Variants in MTSS2 observed in about 807,000 individuals in gnomAD.
The protein encoded by MTSS2 is protein MTSS 2.
In MTSS2, 27 loss-of-function variants were observed where a neutral mutation model predicts 67.1. That is an observed-to-expected ratio of 0.40 (90% CI 0.30 to 0.55). MTSS2 has a LOEUF of 0.55. Among genes scored for constraint, MTSS2 ranks in the 20% least tolerant of loss-of-function variants. MTSS2 has a pLI of 0.43. For missense variants in MTSS2, 1,171 were observed against 1,067.8 expected (o/e 1.10, Z -1.35); for synonymous variants, 624 against 468.6 (o/e 1.33, Z -4.28).
chr16:70,681,914 C>G (rs1394068322), intron 1 of MTSS2, among the ~76,000 whole-genome samples: 1 of 152,208 alleles, frequency 6.6e-6, no homozygotes, highest in Admixed American at 6.5e-5. Flanking sequence ...TGACGGGCAG[C>G]CCTGGGCCAG....
rs1159894469 is a variant in MTSS2, at chr16:70,679,667, C to A, written c.420G>T (p.Ser140=). The change falls in exon 6 of 15, where the codon TCG becomes TCT. Residue 140 remains serine (S), a synonymous_variant. Transcript: ENST00000338779. ...KRARHEIKKK[S]SDTLKLQKKA... Reference sequence around the variant, plus strand: ...TCTTCTGCAGCTTCAGCGTGTCCGACGACTTCTTTTTGATCTCATGCCGGG... The same window carrying A: ...TCTTCTGCAGCTTCAGCGTGTCCGAAGACTTCTTTTTGATCTCATGCCGGG... 3 of 1,610,632 alleles carry A rather than the reference C, an allele frequency of 1.9e-6. No individual in the cohort carries two copies. The highest frequency in any genetic ancestry group is 2.7e-5 in the African/African-American group (2 of 74,886).
Position 70,663,826 on chromosome 16 carries a change from G to C in MTSS2, c.2095C>G (p.Leu699Val). The change falls in exon 15 of 15, where the codon CTG (leucine) becomes GTG (valine). Residue 699 changes from leucine (L) to valine (V), a missense_variant. Leu to Val is a conservative substitution (Grantham distance 32). Transcript: ENST00000338779. ...GEGQFPFPTA[L>V]SATPTEETPT... ...GTCTCCTCCGTGGGGGTGGCCGACA[G>C]AGCAGTGGGGAAGGGGAACTGGCCC... 1 of 1,533,588 alleles carries C rather than the reference G, an allele frequency of 6.5e-7. No homozygotes were observed. 95.0% of individuals were successfully genotyped at this position (1,533,588 alleles called of 1,614,324 possible).
chr16:70,664,601 G>C lies in MTSS2; in HGVS notation c.1468C>G (p.Gln490Glu). 1 of 1,612,088 alleles carries C rather than the reference G, an allele frequency of 6.2e-7. No homozygotes were observed. ...PSCSEDTIPS[Q>E]GSDYDCYSVN... is the part of the protein sequence containing the mutation. ...CACCCCAGCCCCGCGGGCCTGCCTT[G>C]GGAGGGGATGGTGTCCTCAGAGCAG... Residue 490 changes from glutamine (Q) to glutamate (E), a missense_variant, in exon 14 of 15, where the codon CAA (glutamine) becomes GAA (glutamate). Transcript: ENST00000338779.
intron 3 of MTSS2, 94 bp from the exon 4 acceptor site, chr16:70,680,149 A>T (rs2053256510): frequency 1.3e-6 from 1 of 777,244 alleles, no homozygotes; most frequent in African/African-American, 1.9e-5. Flanking sequence ...GCGCAGGCGG[A>T]GCCCGCAGCC....
At chr16:70,677,983 G>T in intron 8 of MTSS2, 84 bp from the exon 9 acceptor site, 2 of 1,198,754 alleles carry the variant, frequency 1.7e-6, no homozygotes, top group Non-Finnish European at 1.2e-6. Context: ...AGCAGCCCTT[G>T]TCGGGCCTCT....
In MTSS2 at chr16:70,664,272, G is replaced by A; in HGVS notation, c.1649C>T (p.Ala550Val). The change falls in exon 15 of 15, where the codon GCC becomes GTC. Residue 550 changes from alanine to valine, a missense_variant. This residue lies in a region of MTSS2 where 924 missense variants were observed against 756.0 expected (regional missense o/e 1.22). Transcript: ENST00000338779. Reference sequence around the variant, plus strand: ...GGGTGCGCCCGAGGGCAGGCCAGTGGCCGTGGGCAGCCCCGCGGTGGGCAG... The same window carrying A: ...GGGTGCGCCCGAGGGCAGGCCAGTGACCGTGGGCAGCCCCGCGGTGGGCAG... ...AGLPTAGLPTATGLPSGAPPG... is the reference protein window; with the variant it reads ...AGLPTAGLPTVTGLPSGAPPG... The A allele has an allele frequency of 6.4e-7, 1 of 1,556,998 alleles. No individual in the cohort carries two copies. The highest frequency in any genetic ancestry group is 1.2e-5 in the South Asian group (1 of 81,446).
intron 10 of MTSS2, among the ~76,000 whole-genome samples, chr16:70,676,235 A>G (rs2053112350): frequency 6.6e-6 from 1 of 152,206 alleles, no homozygotes. Flanking sequence ...CCCAGTGCCC[A>G]GCCAAGGAAA....
intron 11 of MTSS2, among the ~76,000 whole-genome samples, chr16:70,671,240 T>G (rs954729489): frequency 2.0e-5 from 3 of 151,590 alleles, no homozygotes; most frequent in African/African-American, 7.3e-5. Context: ...CCGCCTCTGC[T>G]AAAAATACAA....
At position 70,665,451 on chromosome 16, in the gene MTSS2, G is replaced by T. The variant is rs374194038; in HGVS notation, c.1128+15C>A. 1.3e-6 allele frequency: 2 copies of T among 1,550,242 alleles called. No individual in the cohort carries two copies. Among genetic ancestry groups the T allele is most frequent in the Admixed American group, 1.9e-5 (1 of 51,348 alleles). Reference sequence around the variant, plus strand: ...CAGCTGGTGACTGTCCTGGGGCCGGGCTGGGAGCACTGACCGAGGTGGGGG... The same window carrying T: ...CAGCTGGTGACTGTCCTGGGGCCGGTCTGGGAGCACTGACCGAGGTGGGGG... On this transcript the variant is annotated intron_variant, in intron 12 of 14. Coordinates refer to ENST00000338779, the MANE Select transcript of MTSS2 (RefSeq NM_138383.3).
chr16:70,661,622 T>TAAG lies in MTSS2; in HGVS notation c.*2052_*2054dup. ...GTGGGTGGGCCTATGAGGTGGTTGC[T>TAAG]AAGTCGACGCAAGGGCGGCGGGGGT... On this transcript the variant is annotated 3_prime_UTR_variant, in exon 15 of 15. Transcript: ENST00000338779. The TAAG allele has an allele frequency of 3.0e-6, 1 of 337,382 alleles. No individual in the cohort carries two copies. Among genetic ancestry groups the TAAG allele is most frequent in the South Asian group, 2.3e-5 (1 of 43,226 alleles). 20.9% of individuals were successfully genotyped at this position (337,382 alleles called of 1,614,324 possible).
intron 11 of MTSS2, among the ~76,000 whole-genome samples, chr16:70,666,389 C>G (rs183023841): frequency 1.8e-4 from 27 of 152,176 alleles, no homozygotes; most frequent in Admixed American, 1.8e-3. Flanking sequence ...CCCCCCACTC[C>G]TAAACAACTA....
At position 70,662,636 on chromosome 16, in the gene MTSS2, C is replaced by T. The variant is rs2052528290; in HGVS notation, c.*1041G>A. ...GGCTCTGGGGGAGCCAAGTCCCTCCCTTCTCATCCTGCCATAGGACCACCG... is the reference window on the plus strand; with the variant it reads ...GGCTCTGGGGGAGCCAAGTCCCTCCTTTCTCATCCTGCCATAGGACCACCG... On this transcript the variant is annotated 3_prime_UTR_variant, in exon 15 of 15. Transcript: ENST00000338779. 1 of 152,794 alleles carries T rather than the reference C, an allele frequency of 6.5e-6. No individual in the cohort carries two copies. Among genetic ancestry groups the T allele is most frequent in the Non-Finnish European group, 1.5e-5 (1 of 68,138 alleles). 9.5% of individuals were successfully genotyped at this position (152,794 alleles called of 1,614,324 possible). A position where few individuals can be genotyped will look rare whatever the true frequency, so the allele number is the denominator to read the frequency against.
Position 70,663,739 on chromosome 16 carries a change from G to A in MTSS2, c.2182C>T (p.Arg728Trp), listed in dbSNP as rs1288114850. 4 of 1,575,558 alleles carry A rather than the reference G, an allele frequency of 2.5e-6. No individual in the cohort carries two copies. The highest frequency in any genetic ancestry group is 1.2e-5 in the South Asian group (1 of 86,518). ...GTCCTGCGGAGCCGGACCCCACGCC[G>A]GATGGCCACCAGCATGTCTTCGGCC... Reference protein sequence around the residue: ...PPAEDMLVAIRRGVRLRRTVT... With the variant: ...PPAEDMLVAIWRGVRLRRTVT... Residue 728 changes from arginine (R) to tryptophan (W), a missense_variant, in exon 15 of 15, where the codon CGG becomes TGG. Coordinates refer to ENST00000338779, the MANE Select transcript of MTSS2 (RefSeq NM_138383.3).
chr16:70,665,384 T>G (rs2052674204), intron 12 of MTSS2, 82 bp downstream of exon 12: 2 of 1,406,464 alleles, frequency 1.4e-6, no homozygotes. Flanking sequence ...AGGCCCTTTG[T>G]GCAGTAATGG....
At chr16:70,680,384 G>C (rs11075777) in intron 3 of MTSS2, among the ~76,000 whole-genome samples, 8 of 152,012 alleles carry the variant, frequency 5.3e-5, no homozygotes, top group African/African-American at 1.9e-4. Flanking sequence ...AGCACGCCCA[G>C]GGCCCGAAGG....
intron 7 of MTSS2, 133 bp downstream of exon 7, chr16:70,679,181 TC>T (rs1033793728): frequency 1.8e-6 from 2 of 1,141,872 alleles, no homozygotes; most frequent in African/African-American, 3.1e-5. Flanking sequence ...CCCAGGCCCC[TC>T]CCTCGTGGAC....
intron 11 of MTSS2, among the ~76,000 whole-genome samples, chr16:70,667,705 T>C (rs998802637): frequency 6.6e-6 from 1 of 151,438 alleles, no homozygotes; most frequent in African/African-American, 2.4e-5. Flanking sequence ...AAACACTGTC[T>C]CTACTAAAAA....
rs1555507675 is a variant in MTSS2, at chr16:70,663,030, C to CG, written c.*646_*647insC. On this transcript the variant is annotated 3_prime_UTR_variant, in exon 15 of 15. Transcript: ENST00000338779. ...CCACCACAGGGCCCCCAAGACCCCC[C>CG]CCCCCAAGCAGCCCCTGGTTTCCTC... The CG allele has an allele frequency of 6.6e-6, 1 of 152,462 alleles. No homozygotes were observed. The allele number at this position is 152,462 out of a possible 1,614,324, so 9.4% of individuals were successfully genotyped here. A position where few individuals can be genotyped will look rare whatever the true frequency, so the allele number is the denominator to read the frequency against.
chr16:70,685,840 G>C lies in MTSS2; in HGVS notation c.-49C>G. On this transcript the variant is annotated 5_prime_UTR_variant, in exon 1 of 15. Coordinates refer to ENST00000338779, the MANE Select transcript of MTSS2 (RefSeq NM_138383.3). The stretch of plus-strand genomic sequence containing the variant: ...CGGCGGCTAGGCGCACGGAGCGCGG[G>C]GAGCAGCGCAAGGGAGGGGGCCAGG... 8.6e-7 allele frequency: 1 copy of C among 1,167,636 alleles called. No individual in the cohort carries two copies. 72.3% of individuals were successfully genotyped at this position (1,167,636 alleles called of 1,614,324 possible). A position where few individuals can be genotyped will look rare whatever the true frequency, so the allele number is the denominator to read the frequency against.
Sources: gnomAD v4.1 joint callset for allele counts (sites outside exome capture counted in the v4.1 genomes callset) on GRCh38, gnomAD v4.1.1 for gene constraint, gnomAD v4.1.1 regional missense constraint, MANE v1.5 for transcripts, NCBI Gene and HGNC (gene_info 2026-07-23, HGNC 2026-07-21) for gene names.